SPIN1: variants seen among roughly 807,000 people sequenced by gnomAD.
SPIN1 encodes the protein spindlin-1.
A neutral mutation model predicts 26.0 loss-of-function variants in SPIN1; 3 were observed. The observed-to-expected ratio is 0.12, with a 90% CI of 0.05 to 0.30. The LOEUF is 0.30. SPIN1 is among the 10% of genes least tolerant of loss of function. The pLI is 1.00. For synonymous variants in SPIN1, 101 were observed against 116.5 expected (o/e 0.87, Z 0.86); for missense variants, 126 against 333.4 (o/e 0.38, Z 4.84).
intron 3 of SPIN1, among the ~76,000 whole-genome samples, chr9:88,452,446 G>T (rs1828372027): frequency 6.6e-6 from 1 of 152,152 alleles, no homozygotes; most frequent in South Asian, 2.1e-4. Context: ...GTAACTCTTG[G>T]TGCGGGCATC....
At chr9:88,404,640 G>A (rs1379480069) in intron 1 of SPIN1, among the ~76,000 whole-genome samples, 1 of 151,886 alleles carries the variant, frequency 6.6e-6, no homozygotes, top group Non-Finnish European at 1.5e-5. Flanking sequence ...ACTTGGCCAG[G>A]CGCAGTGGTT....
At chr9:88,412,103 C>G (rs1587781467) in intron 1 of SPIN1, among the ~76,000 whole-genome samples, 1 of 151,956 alleles carries the variant, frequency 6.6e-6, no homozygotes, top group East Asian at 1.9e-4. Context: ...GGCGTGAACC[C>G]AGGAGGCGGA....
chr9:88,407,963 C>T lies in SPIN1; in HGVS notation c.-158-18419C>T, dbSNP rs190533908. Among the ~76,000 whole-genome samples, 504 of 151,756 alleles carry T rather than the reference C, an allele frequency of 3.3e-3. 3 individuals are homozygous for T. Among genetic ancestry groups the T allele is most frequent in the African/African-American group, 0.011 (465 of 41,428 alleles). ...GTTTTTGTACAGACAGATAGGGTTT[C>T]GCCATGTTGTCCAGGCTGGTCTTGA... is the stretch of plus-strand genomic sequence containing the variant. On this transcript the variant is annotated intron_variant, in intron 1 of 5. Transcript: ENST00000375859.
chr9:88,393,156 G>A (rs1410766386), intron 1 of SPIN1, among the ~76,000 whole-genome samples: 3 of 148,154 alleles, frequency 2.0e-5, no homozygotes, highest in African/African-American at 7.6e-5. Context: ...TTTCCTGAAG[G>A]GAGGGGAGGA....
In SPIN1 at chr9:88,475,377, C is replaced by A. The variant is rs1828870324; in HGVS notation, c.*100C>A. ...TCCAGTTTAATGAAAGCTTAAATGT[C>A]CCTGCGAACCCACAATCTCTGCCAG... On this transcript the variant is annotated 3_prime_UTR_variant, in exon 6 of 6. Transcript: ENST00000375859. The A allele has an allele frequency of 1.3e-5, 15 of 1,198,240 alleles. 1 individual carries two copies. In the Middle Eastern group the frequency reaches 1.1e-3, roughly 89 times the overall value. The allele number at this position is 1,198,240 out of a possible 1,614,324, so 74.2% of individuals were successfully genotyped here. A position where few individuals can be genotyped will look rare whatever the true frequency, so the allele number is the denominator to read the frequency against.
chr9:88,413,529 G>A (rs553800885), intron 1 of SPIN1, among the ~76,000 whole-genome samples: 7 of 151,536 alleles, frequency 4.6e-5, no homozygotes, highest in Admixed American at 4.6e-4. Flanking sequence ...GACTACAGGT[G>A]CGCACCACCA....
intron 1 of SPIN1, chr9:88,389,223 G>A (rs1348609381): frequency 1.3e-5 from 2 of 152,234 alleles, no homozygotes; most frequent in African/African-American, 4.8e-5. Context: ...CTCCGTGGGG[G>A]CGCGGCGAAC....
chr9:88,441,798 TTA>T (rs1255131113), intron 2 of SPIN1, among the ~76,000 whole-genome samples: 5 of 148,438 alleles, frequency 3.4e-5, no homozygotes, highest in African/African-American at 9.8e-5. Flanking sequence ...TATATTTTTA[TTA>T]TATTTTTGTA....
intron 3 of SPIN1, 63 bp downstream of exon 3, chr9:88,449,052 G>T (rs1291444300): frequency 5.8e-6 from 9 of 1,542,276 alleles, no homozygotes; most frequent in Non-Finnish European, 8.1e-6. Flanking sequence ...CAGCATACAA[G>T]ATCACCTAGG....
intron 1 of SPIN1, among the ~76,000 whole-genome samples, chr9:88,416,194 G>T (rs1212919630): frequency 6.6e-6 from 1 of 152,184 alleles, no homozygotes; most frequent in Non-Finnish European, 1.5e-5. Context: ...ACATAGAAAA[G>T]TTGAAACAGG....
intron 3 of SPIN1, among the ~76,000 whole-genome samples, chr9:88,459,816 A>G (rs1477884723): frequency 6.6e-6 from 1 of 152,188 alleles, no homozygotes; most frequent in Non-Finnish European, 1.5e-5. Flanking sequence ...CATGTTCGTT[A>G]CAGTTTTGTT....
At chr9:88,452,202 AG>A (rs991999431) in intron 3 of SPIN1, among the ~76,000 whole-genome samples, 1 of 152,160 alleles carries the variant, frequency 6.6e-6, no homozygotes, top group Non-Finnish European at 1.5e-5. Context: ...TTTTCATGAT[AG>A]CCCTGTCAAG....
chr9:88,434,357 A>ATAAAATAGTTTATTTTATAAT (rs1564031563), intron 2 of SPIN1, among the ~76,000 whole-genome samples: 39 of 138,952 alleles, frequency 2.8e-4, no homozygotes, highest in African/African-American at 1.2e-3. Context: ...TATTTTATAA[A>ATAAAATAGTTTATTTTATAAT]TTATAAAATA....
chr9:88,415,982 TC>T (rs1395979272), intron 1 of SPIN1, among the ~76,000 whole-genome samples: 1 of 151,150 alleles, frequency 6.6e-6, no homozygotes, highest in Admixed American at 6.6e-5. Context: ...GGTCTCGATC[TC>T]CTGACCTCGT....
chr9:88,406,001 GTGTC>G (rs372942998), intron 1 of SPIN1, among the ~76,000 whole-genome samples: 4,827 of 88,914 alleles, frequency 0.054, 249 homozygotes, highest in African/African-American at 0.3. Context: ...CCTGGCTTGT[GTGTC>G]TGTGTGTGTG....
Position 88,462,527 on chromosome 9 carries a change from C to T in SPIN1, c.133C>T (p.Pro45Ser), listed in dbSNP as rs935713679. Residue 45 changes from proline to serine, a missense_variant, in exon 4 of 6, where the codon CCT becomes TCT. Physicochemically the swap from Pro to Ser is moderately conservative, Grantham distance 74. Coordinates refer to ENST00000375859, the MANE Select transcript of SPIN1 (RefSeq NM_006717.3). ...TCGGAGCAGTGTGGGTCCGAGCAAA[C>T]CTGTTTCCCAGCCCCGGCGGAACAT... ...KHRSSVGPSK[P>S]VSQPRRNIVG... 3 of 1,613,884 alleles carry T rather than the reference C, an allele frequency of 1.9e-6. No individual in the cohort carries two copies. Among genetic ancestry groups the T allele is most frequent in the Non-Finnish European group, 2.5e-6 (3 of 1,179,956 alleles).
intron 1 of SPIN1, among the ~76,000 whole-genome samples, chr9:88,417,912 T>A (rs1827598246): frequency 6.6e-6 from 1 of 152,160 alleles, no homozygotes; most frequent in Admixed American, 6.5e-5. Context: ...AGATTACCAT[T>A]TTATAGTAAA....
At chr9:88,417,066 C>T (rs1177182322) in intron 1 of SPIN1, among the ~76,000 whole-genome samples, 2 of 152,188 alleles carry the variant, frequency 1.3e-5, no homozygotes, top group African/African-American at 4.8e-5. Context: ...CATTAAATTG[C>T]AGACATCATG....
chr9:88,403,872 TCTTA>T (rs1055638378), intron 1 of SPIN1, among the ~76,000 whole-genome samples: 6 of 152,156 alleles, frequency 3.9e-5, no homozygotes, highest in African/African-American at 1.2e-4. Flanking sequence ...TTAATTTCAG[TCTTA>T]CTTATTTTTC....
Sources: allele counts gnomAD v4.1 joint callset (sites outside exome capture counted in the v4.1 genomes callset), GRCh38; gene constraint gnomAD v4.1.1; transcripts MANE v1.5; gene names NCBI Gene and HGNC (gene_info 2026-07-23, HGNC 2026-07-21).